The following KDM1B variants were observed in gnomAD, a reference collection of about 807,000 sequenced individuals.
The protein encoded by KDM1B is lysine demethylase 1B.
In KDM1B, 63 loss-of-function variants were observed where a neutral mutation model predicts 107.4. The ratio of observed to expected loss-of-function variants is 0.59; its 90% CI spans 0.48 to 0.72. The LOEUF (loss-of-function observed/expected upper bound fraction) is 0.72, where lower values mean the gene tolerates loss of function less well. KDM1B is among the 30% of genes least tolerant of loss of function. The pLI, the probability that KDM1B is intolerant of heterozygous loss-of-function variation, is 0.00. For missense variants in KDM1B, 749 were observed against 1,020.8 expected, an observed-to-expected ratio of 0.73 and a Z score of 3.63; for synonymous variants, 363 against 363.9, an observed-to-expected ratio of 1.00 and a Z score of 0.03.
rs9477679 is a variant in KDM1B at position 18,209,571 on chromosome 6, C to T, written c.1866+1365C>T. On this transcript the variant is annotated intron_variant, in intron 17 of 21. Coordinates refer to ENST00000650836, the MANE Select transcript of KDM1B (RefSeq NM_001364614.2). This position sits in a 1 kb window ranked among gnomAD's most constrained non-coding sequence, Gnocchi z 4.3. ...CTTACAAAGAAAGGCTGGAAAGCCC[C>T]ACCCTGATGCGTTCTTGTTGAATTG... is the stretch of plus-strand genomic sequence containing the variant. Among the ~76,000 whole-genome samples the T allele has an allele frequency of 2.1e-3, 313 of 152,308 alleles. 1 individual carries two copies. The highest frequency in any genetic ancestry group is 6.8e-3 in the African/African-American group (283 of 41,576).
At chr6:18,178,683 A>G (rs1280084989) in intron 7 of KDM1B, among the ~76,000 whole-genome samples, 1 of 152,126 alleles carries the variant, frequency 6.6e-6, no homozygotes, top group African/African-American at 2.4e-5. Flanking sequence ...GAGCCACTGC[A>G]CCCAGCCAAT....
chr6:18,207,581 G>A, intron 16 of KDM1B, 52 bp downstream of exon 16: 1 of 1,608,036 alleles, frequency 6.2e-7, no homozygotes, highest in Non-Finnish European at 8.5e-7. Flanking sequence ...GGGAGGATGT[G>A]AAGTTCTGGG....
At chr6:18,219,166 T>A (rs1185962025) in intron 21 of KDM1B, among the ~76,000 whole-genome samples, 1 of 152,214 alleles carries the variant, frequency 6.6e-6, no homozygotes, top group Non-Finnish European at 1.5e-5. Flanking sequence ...CCTCCCAAAG[T>A]GCTGGGATTA....
intron 6 of KDM1B, among the ~76,000 whole-genome samples, chr6:18,169,905 A>AT (rs1785545691): frequency 1.3e-5 from 2 of 151,820 alleles, no homozygotes; most frequent in Admixed American, 1.3e-4. Context: ...TCTTTTTAAA[A>AT]TTATTTATTT....
chr6:18,193,318 T>G (rs1787416589), intron 10 of KDM1B, among the ~76,000 whole-genome samples: 1 of 140,020 alleles, frequency 7.1e-6, no homozygotes, highest in African/African-American at 3.0e-5. Context: ...TTTTTTTTTT[T>G]TTTGAGACAC....
At position 18,199,199 on chromosome 6, in the gene KDM1B, A is replaced by G. The variant is rs183617507; in HGVS notation, c.1222-1240A>G. Among the ~76,000 whole-genome samples the G allele has an allele frequency of 6.6e-5, 10 of 152,168 alleles. No individual in the cohort carries two copies. The East Asian group carries it at 1.7e-3, about 26-fold the overall frequency. On this transcript the variant is annotated intron_variant, in intron 12 of 21. Coordinates refer to ENST00000650836, the MANE Select transcript of KDM1B (RefSeq NM_001364614.2). ...GGTGACAGAGTGAGACCCCAACTCA[A>G]ACAAAAACTAGAAATGGATGGTTCT...
At chr6:18,184,098 A>G (rs1786664963) in intron 7 of KDM1B, among the ~76,000 whole-genome samples, 1 of 152,002 alleles carries the variant, frequency 6.6e-6, no homozygotes, top group Non-Finnish European at 1.5e-5. Flanking sequence ...AACAGAACAC[A>G]CACCAGCCCC....
chr6:18,219,310 C>T (rs1305068678), intron 21 of KDM1B, among the ~76,000 whole-genome samples: 1 of 152,126 alleles, frequency 6.6e-6, no homozygotes, highest in Admixed American at 6.5e-5. Flanking sequence ...ATTTCTGATC[C>T]TTTTACTTCA....
chr6:18,216,237 C>T (rs778750077), intron 20 of KDM1B, among the ~76,000 whole-genome samples: 22 of 152,284 alleles, frequency 1.4e-4, no homozygotes, highest in Non-Finnish European at 2.5e-4. Flanking sequence ...TGCTCCACCA[C>T]ACCCAGCTAA....
chr6:18,163,956 CATAT>C (rs56797116), intron 5 of KDM1B, among the ~76,000 whole-genome samples: 137,263 of 151,570 alleles, frequency 0.91, 62,235 homozygotes, highest in African/African-American at 0.93. Flanking sequence ...CAGTTCAGGT[CATAT>C]ATATATATAT....
At chr6:18,193,274 C>T (rs1282638466) in intron 10 of KDM1B, among the ~76,000 whole-genome samples, 1 of 139,990 alleles carries the variant, frequency 7.1e-6, no homozygotes, top group East Asian at 2.1e-4. Flanking sequence ...TTAAAAGAAT[C>T]AAAGACTTTG....
At chr6:18,169,630 G>A (rs1478183858) in intron 6 of KDM1B, among the ~76,000 whole-genome samples, 1 of 152,064 alleles carries the variant, frequency 6.6e-6, no homozygotes, top group Non-Finnish European at 1.5e-5. Context: ...GATGCCCAAA[G>A]GTTTTTAATT....
chr6:18,162,786 G>A lies in KDM1B; in HGVS notation c.216-49G>A. On this transcript the variant is annotated intron_variant, in intron 4 of 21. Transcript: ENST00000650836. The surrounding 1 kb of genome is among the most constrained non-coding windows in gnomAD (Gnocchi z 4.1). ...CAAGATGTTTTTTAAAAAATGGGAG[G>A]AGAAATGTTTATTCATTACCAAAGC... The A allele has an allele frequency of 9.5e-7, 1 of 1,057,050 alleles. No homozygotes were observed. The highest frequency in any genetic ancestry group is 1.5e-6 in the Non-Finnish European group (1 of 676,010). The allele number at this position is 1,057,050 out of a possible 1,614,324, so 65.5% of individuals were successfully genotyped here.
rs1374283242 is a variant in KDM1B, at chr6:18,191,794, C to G, written c.969+413C>G. Among the ~76,000 whole-genome samples, 2 of 152,074 alleles carry G rather than the reference C, an allele frequency of 1.3e-5. No individual in the cohort carries two copies. The highest frequency in any genetic ancestry group is 3.9e-4 in the East Asian group (2 of 5,186). ...GGGAAAAACATCAAAGATTGAATTA[C>G]ATACAAATCCTTGAGGACAGGAATT... On this transcript the variant is annotated intron_variant, in intron 10 of 21. Transcript: ENST00000650836. This position sits in a 1 kb window ranked among gnomAD's most constrained non-coding sequence, Gnocchi z 5.1.
chr6:18,181,417 C>T (rs1274318654), intron 7 of KDM1B, among the ~76,000 whole-genome samples: 1 of 151,826 alleles, frequency 6.6e-6, no homozygotes, highest in Non-Finnish European at 1.5e-5. Context: ...TTTCTTTATC[C>T]CAAGAAATAA....
In KDM1B at chr6:18,171,489, C is replaced by T. The variant is rs1004593798; in HGVS notation, c.534+10C>T. Reference sequence around the variant, plus strand: ...AAATACTGCTATTAAGGTATGTTCTCTTTTTGCTTTTGAGTTAATTGATAT... The same window carrying T: ...AAATACTGCTATTAAGGTATGTTCTTTTTTTGCTTTTGAGTTAATTGATAT... On this transcript the variant is annotated intron_variant, in intron 7 of 21. Transcript: ENST00000650836. The T allele has an allele frequency of 2.1e-6, 3 of 1,426,436 alleles. No homozygotes were observed. In the African/African-American group the frequency reaches 4.2e-5, roughly 20 times the overall value. The allele number at this position is 1,426,436 out of a possible 1,614,324, so 88.4% of individuals were successfully genotyped here. A position where few individuals can be genotyped will look rare whatever the true frequency, so the allele number is the denominator to read the frequency against.
At chr6:18,183,266 T>G (rs1414926680) in intron 7 of KDM1B, among the ~76,000 whole-genome samples, 2 of 139,250 alleles carry the variant, frequency 1.4e-5, no homozygotes, top group Admixed American at 8.5e-5. Flanking sequence ...GGGTTTTTTT[T>G]TTTTTTTTTT....
At chr6:18,195,617 C>G (rs1422413372) in intron 10 of KDM1B, among the ~76,000 whole-genome samples, 2 of 151,200 alleles carry the variant, frequency 1.3e-5, no homozygotes, top group Admixed American at 6.6e-5. Context: ...CGCCTGTAGT[C>G]CCAGCTACTT....
At chr6:18,210,530 A>AT (rs1561952041) in intron 17 of KDM1B, among the ~76,000 whole-genome samples, 1 of 149,582 alleles carries the variant, frequency 6.7e-6, no homozygotes, top group African/African-American at 2.5e-5. Context: ...GCTAATTAAA[A>AT]ATTTTTTTTT....
Sources: gnomAD v4.1 joint callset for allele counts (sites outside exome capture counted in the v4.1 genomes callset) on GRCh38, gnomAD v4.1.1 for gene constraint, Gnocchi (gnomAD v3.1) non-coding constraint, MANE v1.5 for transcripts, NCBI Gene and HGNC (gene_info 2026-07-23, HGNC 2026-07-21) for gene names.